The following MCM3AP variants were observed in gnomAD, a reference collection of about 807,000 sequenced individuals.
MCM3AP encodes minichromosome maintenance complex component 3 associated protein.
MCM3AP carries 126 observed loss-of-function variants against 184.1 expected under a neutral mutation model. The observed-to-expected ratio is 0.68, with a 90% CI of 0.59 to 0.79. The LOEUF (loss-of-function observed/expected upper bound fraction) is 0.79. MCM3AP is among the 30% of genes least tolerant of loss of function. The pLI is 0.00. For synonymous variants in MCM3AP, 1,002 were observed against 979.3 expected, an observed-to-expected ratio of 1.02 and a Z score of -0.43; for missense variants, 2,496 against 2,479.2, an observed-to-expected ratio of 1.01 and a Z score of -0.14.
At position 46,284,369 on chromosome 21, in the gene MCM3AP, G is replaced by A. The variant is rs906746582; in HGVS notation, c.918C>T (p.His306=). The A allele has an allele frequency of 1.4e-5, 23 of 1,614,172 alleles. No individual in the cohort carries two copies. The highest frequency in any genetic ancestry group is 3.3e-5 in the South Asian group (3 of 91,090). ...GAGGATCCGAATCTTCTGCTGGCTC[G>A]TGGCCATGTCTCCTTGGGGAGCGAT... is the stretch of plus-strand genomic sequence containing the variant. ...DQDRSPRRHG[H]EPAEDSDPLS... is the part of the protein sequence containing the mutation. Residue 306 remains histidine, a synonymous_variant, in exon 1 of 28, where the codon CAC becomes CAT. Transcript: ENST00000291688.
rs1298689000 is a variant in MCM3AP at position 46,256,690 on chromosome 21, C to T, written c.3932+99G>A. 22 of 1,408,746 alleles carry T rather than the reference C, an allele frequency of 1.6e-5. No individual in the cohort carries two copies. The Admixed American group carries it at 3.9e-4, about 25-fold the overall frequency. The allele number at this position is 1,408,746 out of a possible 1,614,324, so 87.3% of individuals were successfully genotyped here. On this transcript the variant is annotated intron_variant, in intron 17 of 27. Transcript: ENST00000291688. ...CACCTATCTTCGCCTCCAGGCTTCA[C>T]CTATCTTCACCCTCCAAACACACAC...
chr21:46,265,784 A>C, intron 11 of MCM3AP, 141 bp downstream of exon 11: 1 of 1,088,088 alleles, frequency 9.2e-7, no homozygotes, highest in Non-Finnish European at 1.3e-6. Flanking sequence ...GAAGAGCCAC[A>C]CCCCTGGGCC....
chr21:46,254,250 A>T, intron 19 of MCM3AP, 142 bp downstream of exon 19: 1 of 842,172 alleles, frequency 1.2e-6, no homozygotes, highest in Non-Finnish European at 1.8e-6. Context: ...TGAGCAAAAC[A>T]GACTGTAAAT....
rs1476845746 is a variant in MCM3AP, at chr21:46,257,482, A to C, written c.3735-496T>G. Among the ~76,000 whole-genome samples the C allele has an allele frequency of 3.1e-4, 46 of 150,212 alleles. 1 individual carries two copies. Among genetic ancestry groups the C allele is most frequent in the Middle Eastern group, 3.4e-3 (1 of 290 alleles). On this transcript the variant is annotated intron_variant, in intron 16 of 27. Coordinates refer to ENST00000291688, the MANE Select transcript of MCM3AP (RefSeq NM_003906.5). ...CCAGCAAGGCTCCGTCTCAAAAAAA[A>C]AAAAAAAAAAAAAAAAAGATACATA...
At position 46,245,133 on chromosome 21, in the gene MCM3AP, G is replaced by A; in HGVS notation, c.4712C>T (p.Thr1571Ile). Residue 1571 changes from threonine to isoleucine, a missense_variant, in exon 23 of 28, where the codon ACT (threonine) becomes ATT (isoleucine). Thr to Ile is a moderately conservative substitution (Grantham distance 89). Coordinates refer to ENST00000291688, the MANE Select transcript of MCM3AP (RefSeq NM_003906.5). Reference sequence around the variant, plus strand: ...CCCGTCTTCGACGTACTGAATGAGAGTCTGGCAGCAGAGGTCAAGGGAATG... The same window carrying A: ...CCCGTCTTCGACGTACTGAATGAGAATCTGGCAGCAGAGGTCAAGGGAATG... Reference protein sequence around the residue: ...CPHSLDLCCQTLIQYVEDGIG... With the variant: ...CPHSLDLCCQILIQYVEDGIG... 4 of 1,614,226 alleles carry A rather than the reference G, an allele frequency of 2.5e-6. No individual in the cohort carries two copies. The highest frequency in any genetic ancestry group is 3.4e-6 in the Non-Finnish European group (4 of 1,180,030).
intron 13 of MCM3AP, among the ~76,000 whole-genome samples, chr21:46,261,693 A>T (rs973399747): frequency 6.7e-6 from 1 of 149,968 alleles, no homozygotes; most frequent in East Asian, 2.0e-4. Flanking sequence ...AGATTGCGTC[A>T]CTGTACTCCA....
At chr21:46,276,273 A>G (rs2081253680) in intron 5 of MCM3AP, among the ~76,000 whole-genome samples, 1 of 147,998 alleles carries the variant, frequency 6.8e-6, no homozygotes, top group African/African-American at 2.5e-5. Context: ...GGAAAAAAAA[A>G]AAAAGAAAAA....
intron 22 of MCM3AP, among the ~76,000 whole-genome samples, chr21:46,245,578 T>G (rs193065932): frequency 7.9e-4 from 120 of 152,324 alleles, no homozygotes; most frequent in African/African-American, 2.8e-3. Flanking sequence ...CAAGGTGCCT[T>G]CACACCCTAT....
chr21:46,268,689 G>A (rs975377345), intron 9 of MCM3AP, among the ~76,000 whole-genome samples: 2 of 152,244 alleles, frequency 1.3e-5, no homozygotes, highest in Non-Finnish European at 2.9e-5. Flanking sequence ...CTGCCTCTGT[G>A]CGCCACTGCC....
chr21:46,280,498 T>G lies in MCM3AP; in HGVS notation c.1521A>C (p.Ile507=), dbSNP rs1026354105. The change falls in exon 3 of 28, where the codon ATA becomes ATC. Residue 507 remains isoleucine (I), a splice_region_variant and synonymous_variant. Transcript: ENST00000291688. The part of the protein sequence containing the change: ...DMAIFWHRKK[I]SPNKKPFSLK... ...TGAAAAGAATAATTGAAAACTCACTTATTTTCTTCCTGTGCCAAAAGATAG... is the reference window on the plus strand; with the variant it reads ...TGAAAAGAATAATTGAAAACTCACTGATTTTCTTCCTGTGCCAAAAGATAG... 3.1e-6 allele frequency: 5 copies of G among 1,602,304 alleles called. No homozygotes were observed. The African/African-American group carries it at 6.7e-5, about 21-fold the overall frequency.
At chr21:46,262,639 C>T (rs1295605570) in intron 13 of MCM3AP, among the ~76,000 whole-genome samples, 1 of 151,238 alleles carries the variant, frequency 6.6e-6, no homozygotes, top group Non-Finnish European at 1.5e-5. Flanking sequence ...CAAAGTAAGA[C>T]CCTGTCTCAA....
intron 23 of MCM3AP, 21 bp from the exon 24 acceptor site, chr21:46,243,743 T>C: frequency 6.2e-7 from 1 of 1,611,058 alleles, no homozygotes; most frequent in Non-Finnish European, 8.5e-7. Flanking sequence ...AGTGCCTCAT[T>C]AGTTACAGGT....
chr21:46,251,145 AG>A (rs1601502599), intron 20 of MCM3AP: 2 of 157,162 alleles, frequency 1.3e-5, no homozygotes, highest in Non-Finnish European at 1.4e-5. Context: ...TCCCAGGAAA[AG>A]GGAAGAATTT....
chr21:46,247,230 A>G (rs1425895481), intron 20 of MCM3AP: 1 of 228,266 alleles, frequency 4.4e-6, no homozygotes, highest in Non-Finnish European at 8.7e-6. Flanking sequence ...CTGAGATTAC[A>G]GGTTCGAGGA....
chr21:46,282,447 A>G (rs2081345563), intron 2 of MCM3AP, among the ~76,000 whole-genome samples: 1 of 152,224 alleles, frequency 6.6e-6, no homozygotes, highest in South Asian at 2.1e-4. Context: ...CTCAGAAAAA[A>G]TAGTGACGAT....
At chr21:46,257,639 G>A (rs1039683696) in intron 16 of MCM3AP, among the ~76,000 whole-genome samples, 2 of 150,396 alleles carry the variant, frequency 1.3e-5, no homozygotes, top group Admixed American at 1.3e-4. Context: ...AAAGAGCTAC[G>A]TCCAGGCTCG....
Position 46,244,853 on chromosome 21 carries a change from A to G in MCM3AP, c.4992T>C (p.Ala1664=). 6.2e-7 allele frequency: 1 copy of G among 1,614,210 alleles called. No homozygotes were observed. The highest frequency in any genetic ancestry group is 8.5e-7 in the Non-Finnish European group (1 of 1,180,018). The change falls in exon 23 of 28, where the codon GCT becomes GCC. Residue 1664 remains alanine (A), a synonymous_variant. Coordinates refer to ENST00000291688, the MANE Select transcript of MCM3AP (RefSeq NM_003906.5). The part of the protein sequence containing the change: ...APEHLAWLKQ[A]VLGFQLPQMD... ...TCTGCGGAAGCTGGAACCCGAGCAC[A>G]GCCTGCTTCAGCCAGGCCAGGTGCT...
At chr21:46,280,953 C>T (rs374728073) in intron 2 of MCM3AP, among the ~76,000 whole-genome samples, 1 of 152,144 alleles carries the variant, frequency 6.6e-6, no homozygotes, top group Non-Finnish European at 1.5e-5. Flanking sequence ...TACAGGCGCC[C>T]GCCACCACAT....
At chr21:46,237,437 C>CCTCCTCCAGATGCTAGGCATCAT (rs2080564388) in intron 26 of MCM3AP, among the ~76,000 whole-genome samples, 1 of 121,876 alleles carries the variant, frequency 8.2e-6, no homozygotes, top group Non-Finnish European at 1.8e-5. Context: ...CAAGGTCTCG[C>CCTCCTCCAGATGCTAGGCATCAT]TCTGTTGGCC....
Sources: allele counts gnomAD v4.1 joint callset (sites outside exome capture counted in the v4.1 genomes callset), GRCh38; gene constraint gnomAD v4.1.1; transcripts MANE v1.5; gene names NCBI Gene and HGNC (gene_info 2026-07-23, HGNC 2026-07-21).